Variants in RGS3 observed in about 807,000 individuals in gnomAD.
RGS3 encodes regulator of G-protein signalling 3.
RGS3 carries 80 observed loss-of-function variants against 132.6 expected under a neutral mutation model. That is an observed-to-expected ratio of 0.60 (90% CI 0.50 to 0.73). RGS3 has a LOEUF of 0.73. RGS3 is among the 30% of genes least tolerant of loss of function. The pLI is 0.00. For missense variants in RGS3, 1,382 were observed against 1,530.8 expected (o/e 0.90, Z 1.62); for synonymous variants, 598 against 620.6 (o/e 0.96, Z 0.54).
At chr9:113,501,344 A>T in intron 10 of RGS3, 2 of 1,223,324 alleles carry the variant, frequency 1.6e-6, no homozygotes, top group South Asian at 1.9e-5. Context: ...ATTTTAATAT[A>T]AAACTCTCCC....
intron 16 of RGS3, 133 bp from the exon 15 acceptor site, chr9:113,522,797 C>A: frequency 2.8e-6 from 2 of 726,928 alleles, no homozygotes; most frequent in Admixed American, 3.6e-5. Context: ...AGCACTGCTC[C>A]TGGTTTTGTG....
At chr9:113,542,920 G>C (rs1467684415) in intron 19 of RGS3, among the ~76,000 whole-genome samples, 1 of 152,234 alleles carries the variant, frequency 6.6e-6, no homozygotes, top group Non-Finnish European at 1.5e-5. Context: ...TGGCCTAGCA[G>C]CTCTAGTGGA....
At chr9:113,583,131 G>A in intron 19 of RGS3, 1 of 376,474 alleles carries the variant, frequency 2.7e-6, no homozygotes, top group Non-Finnish European at 4.8e-6. Flanking sequence ...TGTCGGGAAG[G>A]CCACATAAGA....
intron 1 of RGS3, among the ~76,000 whole-genome samples, chr9:113,452,858 A>G (rs563619739): frequency 2.2e-4 from 31 of 140,034 alleles, no homozygotes; most frequent in African/African-American, 7.7e-4. Flanking sequence ...CAGGCATTAT[A>G]TTTTTCACCT....
In RGS3 at chr9:113,594,427, C is replaced by T; in HGVS notation, c.3081-3C>T. On this transcript the variant is annotated splice_polypyrimidine_tract_variant and splice_region_variant and intron_variant, in intron 21 of 24. Coordinates refer to ENST00000350696, the Ensembl canonical transcript of RGS3. ...CAACCCTCTTTTCTGCTTCTGTCCCCAGAGCCAAGGACATGAAGAACAAGC... is the reference window on the plus strand; with the variant it reads ...CAACCCTCTTTTCTGCTTCTGTCCCTAGAGCCAAGGACATGAAGAACAAGC... 1 of 1,613,486 alleles carries T rather than the reference C, an allele frequency of 6.2e-7. No individual in the cohort carries two copies. The highest frequency in any genetic ancestry group is 1.6e-4 in the Middle Eastern group (1 of 6,062).
In RGS3 at chr9:113,462,055, C is replaced by T. The variant is rs773071329; in HGVS notation, c.269C>T (p.Thr90Ile). ...GTCTCTGTGCTCAGTGTCCTCTCTA[C>T]ATCCTGTGGCTTGAGCCTGAGCTTG... The change falls in exon 3 of 25, where the codon ACA (threonine) becomes ATA (isoleucine). Residue 90 changes from threonine to isoleucine, a missense_variant. Thr to Ile is a moderately conservative substitution (Grantham distance 89, BLOSUM62 -1). Coordinates refer to ENST00000350696, the Ensembl canonical transcript of RGS3. The T allele has an allele frequency of 2.5e-6, 4 of 1,614,110 alleles. No individual in the cohort carries two copies. The South Asian group carries it at 4.4e-5, about 18-fold the overall frequency.
intron 1 of RGS3, among the ~76,000 whole-genome samples, chr9:113,446,629 T>C (rs988206295): frequency 3.3e-5 from 5 of 152,190 alleles, no homozygotes; most frequent in Non-Finnish European, 7.3e-5. Flanking sequence ...GGACTGGTAG[T>C]TCCTCGAGAG....
chr9:113,514,372 T>TGA, intron 14 of RGS3, 86 bp from the exon 13 acceptor site: 1 of 1,201,714 alleles, frequency 8.3e-7, no homozygotes, highest in Non-Finnish European at 1.2e-6. Flanking sequence ...GTTGACGGAA[T>TGA]GAGTCCGTGT....
intron 10 of RGS3, chr9:113,501,665 G>A (rs753481558): frequency 1.3e-6 from 2 of 1,546,542 alleles, no homozygotes; most frequent in African/African-American, 1.3e-5. Flanking sequence ...AGCCTGTGGG[G>A]TGTTCAGGGA....
At chr9:113,516,525 T>C (rs1354455146) in intron 15 of RGS3, among the ~76,000 whole-genome samples, 1 of 149,888 alleles carries the variant, frequency 6.7e-6, no homozygotes. Context: ...GCCTGGCTAG[T>C]TTTTTGTATT....
At chr9:113,548,228 C>G (rs796722647) in intron 19 of RGS3, among the ~76,000 whole-genome samples, 2 of 152,300 alleles carry the variant, frequency 1.3e-5, no homozygotes, top group African/African-American at 4.8e-5. Flanking sequence ...TCTGAAGATT[C>G]TGCTGGGCTG....
chr9:113,590,478 A>G (rs1835363228), intron 20 of RGS3, among the ~76,000 whole-genome samples: 1 of 141,690 alleles, frequency 7.1e-6, no homozygotes, highest in African/African-American at 2.7e-5. Context: ...CCACCCATCC[A>G]TCCATCTATC....
In RGS3 at chr9:113,575,238, G is replaced by C. The variant is rs371314572; in HGVS notation, c.2038-8212G>C. Among the ~76,000 whole-genome samples, 24 of 152,326 alleles carry C rather than the reference G, an allele frequency of 1.6e-4. No individual in the cohort carries two copies. In the East Asian group the frequency reaches 2.7e-3, roughly 17 times the overall value. ...CCAAGAGTAGGAAGGTTTTCTGAGG[G>C]GGCCCTCGTGTCTCCTCTTTCCTCA... On this transcript the variant is annotated intron_variant, in intron 19 of 24. Coordinates refer to ENST00000350696, the Ensembl canonical transcript of RGS3.
intron 15 of RGS3, among the ~76,000 whole-genome samples, chr9:113,516,721 GTC>G (rs1158691501): frequency 6.6e-6 from 1 of 152,124 alleles, no homozygotes; most frequent in Non-Finnish European, 1.5e-5. Context: ...TTAAGAGACA[GTC>G]TCTCGCTGTG....
intron 10 of RGS3, chr9:113,501,528 G>C (rs892934962): frequency 7.8e-6 from 12 of 1,534,932 alleles, no homozygotes; most frequent in Middle Eastern, 2.2e-4. Context: ...CCGCTGCTGG[G>C]GGAGAGCTGG....
At chr9:113,497,319 C>T (rs1485352847) in exon 9 of RGS3, 1 of 1,611,994 alleles carries the variant, frequency 6.2e-7, no homozygotes, top group African/African-American at 1.3e-5. Context: ...GACAGGAGAT[C>T]AGTGGTTGGT....
intron 10 of RGS3, among the ~76,000 whole-genome samples, chr9:113,499,962 T>A (rs140797108): frequency 6.6e-6 from 1 of 152,324 alleles, no homozygotes; most frequent in East Asian, 1.9e-4. Context: ...TTTCCTCCTC[T>A]CTTTCTACTT....
chr9:113,460,171 T>C (rs975463027), upstream of RGS3: 26 of 1,167,962 alleles, frequency 2.2e-5, no homozygotes, highest in Non-Finnish European at 2.5e-5. Context: ...TTTGGTCTTA[T>C]TGTTGAAGTT....
At chr9:113,480,937 G>A (rs373412177) in intron 4 of RGS3, among the ~76,000 whole-genome samples, 3 of 152,134 alleles carry the variant, frequency 2.0e-5, no homozygotes, top group Non-Finnish European at 2.9e-5. Context: ...GGCTCTTGCC[G>A]CTGACGGTAC....
Sources: allele counts gnomAD v4.1 joint callset (sites outside exome capture counted in the v4.1 genomes callset), GRCh38; gene constraint gnomAD v4.1.1; transcripts MANE v1.5; gene names NCBI Gene and HGNC (gene_info 2026-07-23, HGNC 2026-07-21).